PCBP3: variants seen among roughly 807,000 people sequenced by gnomAD.
The protein encoded by PCBP3 is poly(rC) binding protein 3.
PCBP3 carries 25 observed loss-of-function variants against 52.7 expected under a neutral mutation model. The ratio of observed to expected loss-of-function variants is 0.47; its 90% confidence interval spans 0.35 to 0.66. PCBP3 has a LOEUF of 0.66. PCBP3 is among the 30% of genes least tolerant of loss of function. PCBP3 has a pLI of 0.01. For missense variants in PCBP3, 391 were observed against 490.3 expected (o/e 0.80, Z 1.91); for synonymous variants, 162 against 183.0 (o/e 0.89, Z 0.93).
At chr21:45,874,753 T>C (rs2095184646) in intron 5 of PCBP3, among the ~76,000 whole-genome samples, 1 of 152,156 alleles carries the variant, frequency 6.6e-6, no homozygotes, top group African/African-American at 2.4e-5. Flanking sequence ...AAGATTTGAT[T>C]TTCCGTTGCT....
intron 2 of PCBP3, among the ~76,000 whole-genome samples, chr21:45,692,116 CT>C (rs1219836312): frequency 3.3e-5 from 5 of 152,094 alleles, no homozygotes; most frequent in Non-Finnish European, 5.9e-5. Flanking sequence ...ACTGGCTGAA[CT>C]TTCAGGACTG....
intron 13 of PCBP3, among the ~76,000 whole-genome samples, chr21:45,926,842 A>G (rs2075479308): frequency 6.6e-6 from 1 of 152,240 alleles, no homozygotes; most frequent in Non-Finnish European, 1.5e-5. Context: ...CACAGACTGT[A>G]AAGGAAAATA....
chr21:45,861,151 C>A (rs2094496826), intron 5 of PCBP3, among the ~76,000 whole-genome samples: 1 of 152,232 alleles, frequency 6.6e-6, no homozygotes, highest in African/African-American at 2.4e-5. Flanking sequence ...CGCCTCCATG[C>A]CTTCTCACCT....
At chr21:45,711,480 G>T (rs563962424) in intron 2 of PCBP3, among the ~76,000 whole-genome samples, 2 of 152,152 alleles carry the variant, frequency 1.3e-5, no homozygotes, top group Non-Finnish European at 2.9e-5. Flanking sequence ...AAACTGGTTT[G>T]CACCATCCAC....
chr21:45,867,078 G>A (rs2094764370), intron 5 of PCBP3, among the ~76,000 whole-genome samples: 1 of 152,228 alleles, frequency 6.6e-6, no homozygotes, highest in Admixed American at 6.5e-5. Context: ...CAAAAACACG[G>A]TTTAGTACTC....
chr21:45,797,896 T>C (rs62214568), intron 4 of PCBP3, among the ~76,000 whole-genome samples: 19 of 768 alleles, frequency 0.025, no homozygotes, highest in South Asian at 0.12. Flanking sequence ...CATGGATGGA[T>C]GAGTGCATGG....
chr21:45,661,663 G>C (rs2080398479), intron 1 of PCBP3, among the ~76,000 whole-genome samples: 1 of 152,194 alleles, frequency 6.6e-6, no homozygotes, highest in Non-Finnish European at 1.5e-5. Flanking sequence ...CCTTTGGGTA[G>C]ATAGCCAGTA....
In PCBP3 at chr21:45,839,082, C is replaced by T. The variant is rs1214589686; in HGVS notation, c.-125-10879C>T. ...AATTCTTCAACTTAGTAAACTTTTC[C>T]TCCATGTTCATATTTCTTTTCACTT... On this transcript the variant is annotated intron_variant, in intron 4 of 17. Transcript: ENST00000681687. Among the ~76,000 whole-genome samples the T allele has an allele frequency of 2.0e-5, 3 of 152,062 alleles. No individual in the cohort carries two copies. In the South Asian group the frequency reaches 6.2e-4, roughly 32 times the overall value.
chr21:45,777,673 T>C (rs2145958686), intron 4 of PCBP3, among the ~76,000 whole-genome samples: 1 of 152,300 alleles, frequency 6.6e-6, no homozygotes, highest in African/African-American at 2.4e-5. Context: ...ACAGAGATTC[T>C]TTCTTCTGCC....
At chr21:45,941,533 A>G in intron 17 of PCBP3, 137 bp from the exon 18 acceptor site, 1 of 679,760 alleles carries the variant, frequency 1.5e-6, no homozygotes, top group Non-Finnish European at 2.5e-6. Flanking sequence ...TGTGGTCTCC[A>G]GCTCAGGACC....
intron 4 of PCBP3, chr21:45,828,293 A>G (rs1274194504): frequency 6.6e-6 from 1 of 152,202 alleles, no homozygotes; most frequent in African/African-American, 2.4e-5. Flanking sequence ...ACCCTACCCA[A>G]GGAAGATGGC....
chr21:45,812,697 C>T (rs952271104), intron 4 of PCBP3, among the ~76,000 whole-genome samples: 1 of 152,196 alleles, frequency 6.6e-6, no homozygotes, highest in Non-Finnish European at 1.5e-5. Flanking sequence ...CGGCTGTGAA[C>T]ATTTTTTGTA....
chr21:45,901,699 G>T (rs2096053608), intron 9 of PCBP3: 1 of 143,214 alleles, frequency 7.0e-6, no homozygotes, highest in Admixed American at 6.5e-5. Context: ...AGATGAGAGA[G>T]AGAGAGGAAG....
intron 6 of PCBP3, among the ~76,000 whole-genome samples, chr21:45,898,459 C>T (rs574871734): frequency 6.6e-6 from 1 of 151,098 alleles, no homozygotes; most frequent in African/African-American, 2.4e-5. Flanking sequence ...GCACACCATC[C>T]TCATGGTCTC....
chr21:45,844,599 A>G (rs187728986), intron 4 of PCBP3, among the ~76,000 whole-genome samples: 82 of 152,086 alleles, frequency 5.4e-4, no homozygotes, highest in Admixed American at 1.6e-3. Context: ...CTCCCTGCCA[A>G]TGGTGCTCCC....
intron 5 of PCBP3, among the ~76,000 whole-genome samples, chr21:45,881,280 T>C (rs1017157989): frequency 5.3e-5 from 8 of 152,196 alleles, no homozygotes; most frequent in African/African-American, 1.2e-4. Context: ...AGCATGTAAT[T>C]CTTGTGGTAT....
chr21:45,657,216 A>G (rs191187410), intron 1 of PCBP3, among the ~76,000 whole-genome samples: 1 of 152,096 alleles, frequency 6.6e-6, no homozygotes, highest in Non-Finnish European at 1.5e-5. Context: ...GTGCTTTGTC[A>G]TATTTAAGAC....
chr21:45,868,292 G>A (rs1357866526), intron 5 of PCBP3, among the ~76,000 whole-genome samples: 1 of 152,216 alleles, frequency 6.6e-6, no homozygotes, highest in Non-Finnish European at 1.5e-5. Context: ...CTGTCTGCGC[G>A]GTTTTCAGAG....
In PCBP3 at chr21:45,663,808, T is replaced by C. The variant is rs188804974; in HGVS notation, c.-278-5066T>C. 2.0e-3 allele frequency among the ~76,000 whole-genome samples: 310 copies of C among 152,280 alleles called. 1 individual carries two copies. The highest frequency in any genetic ancestry group is 6.9e-3 in the African/African-American group (285 of 41,570). On this transcript the variant is annotated intron_variant, in intron 1 of 17. Transcript: ENST00000681687. ...TAGTATAATTTGAAGTCAGGTAATG[T>C]GATGCCTCTAGCCTTGTTCTTTTTG...
Sources: allele counts gnomAD v4.1 joint callset (sites outside exome capture counted in the v4.1 genomes callset), GRCh38; gene constraint gnomAD v4.1.1; transcripts MANE v1.5; gene names NCBI Gene and HGNC (gene_info 2026-07-23, HGNC 2026-07-21).